CRHR1: variants seen among roughly 807,000 people sequenced by gnomAD.
The protein encoded by CRHR1 is corticotropin releasing hormone receptor 1.
A neutral mutation model predicts 56.0 loss-of-function variants in CRHR1; 28 were observed. The observed-to-expected ratio is 0.50, with a 90% CI of 0.37 to 0.69. The LOEUF is 0.69. Among genes scored for constraint, CRHR1 ranks in the 30% least tolerant of loss-of-function variants. The pLI, the probability that CRHR1 is intolerant of heterozygous loss-of-function variation, is 0.00. For synonymous variants in CRHR1, 195 were observed against 216.5 expected, an observed-to-expected ratio of 0.90 and a Z score of 0.87; for missense variants, 376 against 548.0, an observed-to-expected ratio of 0.69 and a Z score of 3.13.
chr17:45,829,469 G>A, intron 5 of CRHR1, 148 bp downstream of exon 5: 13 of 1,378,670 alleles, frequency 9.4e-6, no homozygotes, highest in Non-Finnish European at 1.3e-5. Context: ...TCAGGTCTCT[G>A]GGAACCTCTG....
intron 1 of CRHR1, among the ~76,000 whole-genome samples, chr17:45,795,836 G>A (rs977415430): frequency 6.6e-6 from 1 of 152,194 alleles, no homozygotes; most frequent in East Asian, 1.9e-4. Context: ...GGACGGGGCC[G>A]TTGCTTGTTT....
At chr17:45,802,846 C>T (rs1200687832) in intron 1 of CRHR1, among the ~76,000 whole-genome samples, 4 of 152,164 alleles carry the variant, frequency 2.6e-5, no homozygotes, top group Non-Finnish European at 4.4e-5. Context: ...TCTGTGCACG[C>T]CAGGACATTA....
intron 4 of CRHR1, among the ~76,000 whole-genome samples, chr17:45,825,257 C>A (rs551510446): frequency 2.6e-4 from 39 of 152,346 alleles, no homozygotes; most frequent in Non-Finnish European, 4.7e-4. Flanking sequence ...CTGCCCGCAG[C>A]CAGCACCACC....
chr17:45,835,110 G>A lies in CRHR1; in HGVS notation c.*346G>A. On this transcript the variant is annotated 3_prime_UTR_variant, in exon 13 of 13. Transcript: ENST00000314537. Reference sequence around the variant, plus strand: ...CTGTCTTCTCCCAGAGCACAAGAAGGCCAGCCCACTGGGCCCTGGGGCTGC... The same window carrying A: ...CTGTCTTCTCCCAGAGCACAAGAAGACCAGCCCACTGGGCCCTGGGGCTGC... The A allele has an allele frequency of 6.9e-6, 2 of 289,946 alleles. No individual in the cohort carries two copies. The allele number at this position is 289,946 out of a possible 1,614,324, so 18.0% of individuals were successfully genotyped here.
At chr17:45,785,311 G>A (rs912051263) in intron 1 of CRHR1, among the ~76,000 whole-genome samples, 5 of 152,250 alleles carry the variant, frequency 3.3e-5, no homozygotes, top group African/African-American at 1.2e-4. Flanking sequence ...GAAGTTCGTG[G>A]GCGGTGGGGG....
intron 4 of CRHR1, among the ~76,000 whole-genome samples, chr17:45,823,483 T>C (rs972739575): frequency 1.3e-5 from 2 of 148,630 alleles, no homozygotes; most frequent in African/African-American, 2.5e-5. Context: ...TGTCGGCTCA[T>C]TGCAACCTCC....
intron 8 of CRHR1, among the ~76,000 whole-genome samples, chr17:45,831,879 G>A (rs1266783593): frequency 3.3e-5 from 5 of 152,158 alleles, no homozygotes; most frequent in African/African-American, 7.2e-5. Flanking sequence ...GGGCCTGCAC[G>A]GCTTCATTGG....
At chr17:45,833,693 T>TGGGGGGCCCCCCCCCCCCCCCC in intron 10 of CRHR1, 21 bp from the exon 11 acceptor site, 1 of 1,571,602 alleles carries the variant, frequency 6.4e-7, no homozygotes, top group Non-Finnish European at 8.7e-7. Flanking sequence ...ACTCCGAGCC[T>TGGGGGGCCCCCCCCCCCCCCCC]CCCCACCCGC....
intron 2 of CRHR1, among the ~76,000 whole-genome samples, chr17:45,812,066 A>G (rs988523699): frequency 1.3e-5 from 2 of 152,198 alleles, no homozygotes; most frequent in Non-Finnish European, 2.9e-5. Flanking sequence ...ACTGATATAA[A>G]ATGGAGTAGT....
chr17:45,814,881 A>G (rs2061896145), intron 2 of CRHR1, among the ~76,000 whole-genome samples: 1 of 152,260 alleles, frequency 6.6e-6, no homozygotes, highest in Non-Finnish European at 1.5e-5. Context: ...TTCTCTTTCA[A>G]TTAAGCCACT....
chr17:45,797,283 C>CTTTTTTTTT (rs899983592), intron 1 of CRHR1, among the ~76,000 whole-genome samples: 254 of 94,932 alleles, frequency 2.7e-3, no homozygotes, highest in African/African-American at 5.8e-3. Context: ...TTCTTTCTTT[C>CTTTTTTTTT]TTTTTTTTTT....
At chr17:45,811,808 C>G (rs992195063) in intron 2 of CRHR1, among the ~76,000 whole-genome samples, 3 of 152,208 alleles carry the variant, frequency 2.0e-5, no homozygotes, top group African/African-American at 7.2e-5. Flanking sequence ...CAGCCTTTAT[C>G]TCTTTGCACT....
Position 45,835,065 on chromosome 17 carries a change from G to C in CRHR1, c.*301G>C. 1 of 441,556 alleles carries C rather than the reference G, an allele frequency of 2.3e-6. No individual in the cohort carries two copies. The highest frequency in any genetic ancestry group is 4.1e-5 in the South Asian group (1 of 24,340). The allele number at this position is 441,556 out of a possible 1,614,324, so 27.4% of individuals were successfully genotyped here. On this transcript the variant is annotated 3_prime_UTR_variant, in exon 13 of 13. Coordinates refer to ENST00000314537, the MANE Select transcript of CRHR1 (RefSeq NM_004382.5). ...AATGGGGCGCTGGACACCTACAGCAGCACGCATGTCCCTCCAAGGCTGTCT... is the reference window on the plus strand; with the variant it reads ...AATGGGGCGCTGGACACCTACAGCACCACGCATGTCCCTCCAAGGCTGTCT...
chr17:45,830,878 A>C lies in CRHR1; in HGVS notation c.710-2A>C. ...CTCTGTGACAGCCCATCTCTCCCCC[A>C]GGTGTGCCCTTCCCCATCATTGTGG... On this transcript the variant is annotated splice_acceptor_variant, in intron 7 of 12. Transcript: ENST00000314537. LOFTEE classifies it high-confidence loss of function. The C allele has an allele frequency of 6.2e-7, 1 of 1,613,588 alleles. No individual in the cohort carries two copies. The highest frequency in any genetic ancestry group is 8.5e-7 in the Non-Finnish European group (1 of 1,179,762).
chr17:45,808,890 C>A (rs1009028138), intron 2 of CRHR1, among the ~76,000 whole-genome samples: 2 of 152,208 alleles, frequency 1.3e-5, no homozygotes, highest in East Asian at 3.8e-4. Context: ...TAGCTCACTG[C>A]AGCCCAGATC....
intron 3 of CRHR1, among the ~76,000 whole-genome samples, chr17:45,818,213 C>T (rs242939): frequency 0.87 from 132,060 of 152,212 alleles, 58,232 homozygotes; most frequent in East Asian, 1. Context: ...TCACTTGGAA[C>T]CCACTCTTGT....
intron 4 of CRHR1, among the ~76,000 whole-genome samples, chr17:45,822,044 T>A (rs2062053376): frequency 6.6e-6 from 1 of 150,898 alleles, no homozygotes; most frequent in Non-Finnish European, 1.5e-5. Flanking sequence ...ACAAGTGTCC[T>A]TCCAGAGACA....
At chr17:45,824,552 G>T (rs2062116706) in intron 4 of CRHR1, among the ~76,000 whole-genome samples, 1 of 152,170 alleles carries the variant, frequency 6.6e-6, no homozygotes, top group Non-Finnish European at 1.5e-5. Context: ...CCCTCAGCCT[G>T]CCCTGCAACA....
rs1199553788 is a variant in CRHR1 at position 45,788,415 on chromosome 17, ACCT to A, written c.33+3840_33+3842del. 3.3e-5 allele frequency among the ~76,000 whole-genome samples: 5 copies of A among 152,114 alleles called. No individual in the cohort carries two copies. In the East Asian group the frequency reaches 9.7e-4, roughly 29 times the overall value. ...TTTTCAAATACTCCTTAGGGACATG[ACCT>A]CACATAGAAAGAGGGGGGTGCCACG... is the stretch of plus-strand genomic sequence containing the variant. On this transcript the variant is annotated intron_variant, in intron 1 of 12. Transcript: ENST00000314537.
Sources: allele counts gnomAD v4.1 joint callset (sites outside exome capture counted in the v4.1 genomes callset), GRCh38; gene constraint gnomAD v4.1.1; transcripts MANE v1.5; gene names NCBI Gene and HGNC (gene_info 2026-07-23, HGNC 2026-07-21).